Variants in BCAS3 observed in about 807,000 individuals in gnomAD.
The protein encoded by BCAS3 is BCAS3 microtubule associated cell migration factor.
A neutral mutation model predicts 116.1 loss-of-function variants in BCAS3; 53 were observed. The ratio of observed to expected loss-of-function variants is 0.46; its 90% CI spans 0.37 to 0.57. The LOEUF (loss-of-function observed/expected upper bound fraction) is 0.57. BCAS3 is among the 20% of genes least tolerant of loss of function. The pLI, the probability that BCAS3 is intolerant of heterozygous loss-of-function variation, is 0.00. For synonymous variants in BCAS3, 391 were observed against 408.2 expected (o/e 0.96, Z 0.51); for missense variants, 917 against 1,165.4 (o/e 0.79, Z 3.10).
intron 22 of BCAS3, among the ~76,000 whole-genome samples, chr17:61,242,808 A>G (rs2047628724): frequency 6.6e-6 from 1 of 151,312 alleles, no homozygotes; most frequent in Non-Finnish European, 1.5e-5. Context: ...CACTGCCTTC[A>G]TGAATTAACA....
intron 22 of BCAS3, among the ~76,000 whole-genome samples, chr17:61,236,525 T>C (rs2083073957): frequency 6.6e-6 from 1 of 152,138 alleles, no homozygotes; most frequent in Middle Eastern, 3.2e-3. Context: ...TTTCACTGTG[T>C]TAGCCAGGGT....
intron 5 of BCAS3, among the ~76,000 whole-genome samples, chr17:60,738,206 G>A (rs752296569): frequency 6.6e-6 from 1 of 152,220 alleles, no homozygotes; most frequent in African/African-American, 2.4e-5. Flanking sequence ...GTTTATAGAT[G>A]TCAGTTATAT....
At chr17:60,825,468 A>T (rs8066753) in intron 7 of BCAS3, among the ~76,000 whole-genome samples, 18,191 of 149,006 alleles carry the variant, frequency 0.12, 3,360 homozygotes, top group African/African-American at 0.4. Flanking sequence ...GCACTGTAAC[A>T]AAATACCACA....
At chr17:61,046,950 C>A (rs749567207) in intron 19 of BCAS3, among the ~76,000 whole-genome samples, 1 of 151,890 alleles carries the variant, frequency 6.6e-6, no homozygotes, top group Non-Finnish European at 1.5e-5. Flanking sequence ...AATCTCCACT[C>A]CCCTTCCAGC....
Position 61,151,750 on chromosome 17 carries a change from A to C in BCAS3, c.2425+67186A>C, listed in dbSNP as rs1345689650. Among the ~76,000 whole-genome samples, 2 of 152,182 alleles carry C rather than the reference A, an allele frequency of 1.3e-5. No homozygotes were observed. Among genetic ancestry groups the C allele is most frequent in the African/African-American group, 4.8e-5 (2 of 41,448 alleles). ...TGGGATTACAAGCATGAGCCACTGC[A>C]CCTGGCCAACATCTATATTTTGAAT... On this transcript the variant is annotated intron_variant, in intron 22 of 23. Coordinates refer to ENST00000407086, the MANE Select transcript of BCAS3 (RefSeq NM_017679.5). The surrounding 1 kb of genome is among the most constrained non-coding windows in gnomAD (Gnocchi z 4.8).
Position 61,199,721 on chromosome 17 carries a change from A to ATCATAG in BCAS3, c.2425+115157_2425+115158insTCATAG, listed in dbSNP as rs374956742. Reference sequence around the variant, plus strand: ...ACAGCAGTGACAGCTTAATTTTGATAGGATCCCTATGATCTTTGTAAGCGT... The same window carrying ATCATAG: ...ACAGCAGTGACAGCTTAATTTTGATATCATAGGGATCCCTATGATCTTTGTAAGCGT... On this transcript the variant is annotated intron_variant, in intron 22 of 23. Coordinates refer to ENST00000407086, the MANE Select transcript of BCAS3 (RefSeq NM_017679.5). This position sits in a 1 kb window ranked among gnomAD's most constrained non-coding sequence, Gnocchi z 4.6. Among the ~76,000 whole-genome samples, 4,628 of 152,332 alleles carry ATCATAG rather than the reference A, an allele frequency of 0.03. 188 individuals carry two copies. The highest frequency in any genetic ancestry group is 0.21 in the East Asian group (1,063 of 5,182).
chr17:60,710,949 C>T (rs537408926), intron 5 of BCAS3, among the ~76,000 whole-genome samples: 34 of 151,830 alleles, frequency 2.2e-4, no homozygotes, highest in South Asian at 1.9e-3. Context: ...ACTACAGGCA[C>T]GTGCCACCAC....
In BCAS3 at chr17:61,248,842, C is replaced by T. The variant is rs2048165041; in HGVS notation, c.2426-119485C>T. On this transcript the variant is annotated intron_variant, in intron 22 of 23. Transcript: ENST00000407086. The surrounding 1 kb of genome is among the most constrained non-coding windows in gnomAD (Gnocchi z 4.3). ...AGCAGTATATTCACCTTTTACACTT[C>T]AAACCACTTGGAGTATCTTAAAGAA... Among the ~76,000 whole-genome samples, 1 of 152,222 alleles carries T rather than the reference C, an allele frequency of 6.6e-6. No individual in the cohort carries two copies. Among genetic ancestry groups the T allele is most frequent in the Non-Finnish European group, 1.5e-5 (1 of 68,046 alleles).
At chr17:60,849,708 A>G (rs2052892055) in intron 7 of BCAS3, among the ~76,000 whole-genome samples, 1 of 152,176 alleles carries the variant, frequency 6.6e-6, no homozygotes. Flanking sequence ...TCAGAGGTGC[A>G]TAGAAGAATT....
chr17:60,743,427 C>T (rs1470822094), intron 5 of BCAS3, among the ~76,000 whole-genome samples: 3 of 151,152 alleles, frequency 2.0e-5, no homozygotes, highest in Admixed American at 6.6e-5. Flanking sequence ...TTCAGAGGTA[C>T]GTTAACATTT....
chr17:61,067,726 C>CA (rs377228440), intron 19 of BCAS3, among the ~76,000 whole-genome samples: 12,452 of 107,960 alleles, frequency 0.12, 533 homozygotes, highest in Non-Finnish European at 0.14. Flanking sequence ...AACAAACAAA[C>CA]AAAAAAAAAA....
At chr17:61,123,746 T>G (rs1413590257) in intron 22 of BCAS3, among the ~76,000 whole-genome samples, 3 of 152,184 alleles carry the variant, frequency 2.0e-5, no homozygotes, top group Non-Finnish European at 4.4e-5. Context: ...CCTTTTTCTC[T>G]GCAAACATAT....
At chr17:60,914,674 T>C (rs2058687725) in intron 12 of BCAS3, among the ~76,000 whole-genome samples, 1 of 152,178 alleles carries the variant, frequency 6.6e-6, no homozygotes, top group African/African-American at 2.4e-5. Flanking sequence ...CCAACCCCTT[T>C]TCTTCCTCCC....
intron 22 of BCAS3, among the ~76,000 whole-genome samples, chr17:61,166,617 C>T (rs1201553334): frequency 2.6e-5 from 4 of 152,004 alleles, no homozygotes; most frequent in Admixed American, 6.6e-5. Context: ...AGGCTGGTCT[C>T]GAACTCCTGA....
Position 61,313,432 on chromosome 17 carries a change from G to A in BCAS3, c.2426-54895G>A, listed in dbSNP as rs956318249. ...CCACATTTCAGACACAGAAAGTGGA[G>A]CCTAAGGAATAGCCCAGTTGGCTCC... On this transcript the variant is annotated intron_variant, in intron 22 of 23. Coordinates refer to ENST00000407086, the MANE Select transcript of BCAS3 (RefSeq NM_017679.5). The surrounding 1 kb of genome is among the most constrained non-coding windows in gnomAD (Gnocchi z 4.3). Among the ~76,000 whole-genome samples, 45 of 152,338 alleles carry A rather than the reference G, an allele frequency of 3.0e-4. No individual in the cohort carries two copies. Among genetic ancestry groups the A allele is most frequent in the African/African-American group, 1.0e-3 (42 of 41,582 alleles).
rs1325385861 is a variant in BCAS3 at position 61,041,251 on chromosome 17, A to AC, written c.2029+359_2029+360insC. On this transcript the variant is annotated intron_variant, in intron 19 of 23. Transcript: ENST00000407086. This position sits in a 1 kb window ranked among gnomAD's most constrained non-coding sequence, Gnocchi z 4.7. ...TCTGTTTCTAACATGGAAAAAAAAA[A>AC]ACCCCAAAACTTAGCACAGTTAAAA... Among the ~76,000 whole-genome samples, 2 of 151,972 alleles carry AC rather than the reference A, an allele frequency of 1.3e-5. No individual in the cohort carries two copies. Among genetic ancestry groups the AC allele is most frequent in the African/African-American group, 2.4e-5 (1 of 41,368 alleles).
At chr17:61,015,230 T>G (rs185684852) in intron 15 of BCAS3, among the ~76,000 whole-genome samples, 6 of 152,276 alleles carry the variant, frequency 3.9e-5, no homozygotes, top group African/African-American at 1.4e-4. Context: ...CAGCCCTAAT[T>G]CCCAAAGACT....
intron 22 of BCAS3, among the ~76,000 whole-genome samples, chr17:61,271,424 A>ATTTT (rs71148400): frequency 0.048 from 3,344 of 70,234 alleles, 609 homozygotes; most frequent in African/African-American, 0.18. Flanking sequence ...CCATGCCCGG[A>ATTTT]TTTTTTTTTT....
intron 2 of BCAS3, among the ~76,000 whole-genome samples, chr17:60,681,479 G>T (rs150883519): frequency 0.013 from 2,029 of 151,604 alleles, 32 homozygotes; most frequent in African/African-American, 0.046. Context: ...CAGCCTGGGG[G>T]ACAAGAGCAA....
Sources: allele counts gnomAD v4.1 joint callset (sites outside exome capture counted in the v4.1 genomes callset), GRCh38; gene constraint gnomAD v4.1.1; non-coding constraint Gnocchi (gnomAD v3.1); transcripts MANE v1.5; gene names NCBI Gene and HGNC (gene_info 2026-07-23, HGNC 2026-07-21).